The following HYDIN variants were observed in gnomAD, a reference collection of about 807,000 sequenced individuals.
HYDIN encodes axonemal central pair apparatus protein HYDIN.
In HYDIN, 132 loss-of-function variants were observed where a neutral mutation model predicts 403.9. The observed-to-expected ratio is 0.33, with a 90% CI of 0.28 to 0.38. The LOEUF is 0.38. Ranked by LOEUF, HYDIN falls within the 10% of genes least tolerant of loss-of-function variation. The probability of loss-of-function intolerance (pLI) is 1.00; values close to 1 mark genes in which losing one functional copy is unlikely to be tolerated. For synonymous variants in HYDIN, 1,202 were observed against 1,891.7 expected (o/e 0.64, Z 9.46); for missense variants, 2,827 against 5,009.5 (o/e 0.56, Z 13.15).
intron 18 of HYDIN, among the ~76,000 whole-genome samples, chr16:71,055,004 A>G (rs1330375027): frequency 6.6e-6 from 1 of 152,288 alleles, no homozygotes; most frequent in South Asian, 2.1e-4. Context: ...AAGTACATAC[A>G]GTCATTTTCT....
Position 70,804,980 on chromosome 16 carries a change from T to C in HYDIN, c.*2600A>G, listed in dbSNP as rs951083054. The stretch of plus-strand genomic sequence containing the variant: ...ATGTTAGACAAGATTTCAGACAGCT[T>C]CTTCCACCTTTTCTTTAGTCTTAGG... On this transcript the variant is annotated 3_prime_UTR_variant, in exon 86 of 86. Transcript: ENST00000393567. 4.6e-5 allele frequency among the ~76,000 whole-genome samples: 7 copies of C among 152,228 alleles called. No individual in the cohort carries two copies. Among genetic ancestry groups the C allele is most frequent in the Non-Finnish European group, 1.0e-4 (7 of 68,034 alleles).
intron 73 of HYDIN, among the ~76,000 whole-genome samples, chr16:70,851,203 CAAAAAAAA>C (rs4028101): frequency 3.2e-4 from 7 of 22,178 alleles, no homozygotes; most frequent in South Asian, 1.6e-3. Context: ...ATCAATCCTG[CAAAAAAAA>C]AAAAAAAAAA....
rs8044636 is a variant in HYDIN at position 71,213,248 on chromosome 16, G to A, written c.-24+17314C>T. Among the ~76,000 whole-genome samples, 1,262 of 152,170 alleles carry A rather than the reference G, an allele frequency of 8.3e-3. 20 individuals are homozygous for A. Among genetic ancestry groups the A allele is most frequent in the African/African-American group, 0.029 (1,189 of 41,540 alleles). Reference sequence around the variant, plus strand: ...AATCTAAGAGGCAAGAAGAAATGGCGGGGGAAACATGGTCAACAGTGAAGT... The same window carrying A: ...AATCTAAGAGGCAAGAAGAAATGGCAGGGGAAACATGGTCAACAGTGAAGT... On this transcript the variant is annotated intron_variant, in intron 1 of 85. Transcript: ENST00000393567.
chr16:71,208,298 A>C (rs1211726570), intron 1 of HYDIN, among the ~76,000 whole-genome samples: 1 of 152,220 alleles, frequency 6.6e-6, no homozygotes, highest in Non-Finnish European at 1.5e-5. Context: ...ATGAAAGTTA[A>C]ACAACCTGCT....
chr16:70,948,797 G>C (rs930794645), intron 41 of HYDIN, among the ~76,000 whole-genome samples: 1 of 150,998 alleles, frequency 6.6e-6, no homozygotes, highest in Non-Finnish European at 1.5e-5. Flanking sequence ...TCATTAAAAA[G>C]TCAGGAAACA....
At chr16:71,192,671 C>A (rs911630781) in intron 1 of HYDIN, among the ~76,000 whole-genome samples, 10 of 152,112 alleles carry the variant, frequency 6.6e-5, no homozygotes, top group African/African-American at 2.2e-4. Flanking sequence ...CCAAGGCTGC[C>A]CCTTCCTTAT....
intron 48 of HYDIN, 54 bp from the exon 49 acceptor site, chr16:70,908,488 G>C (rs1391168033): frequency 1.5e-6 from 2 of 1,292,960 alleles, no homozygotes; most frequent in African/African-American, 3.0e-5. Context: ...CTGGCCAAGA[G>C]AAGACAGGAG....
chr16:71,159,914 T>C (rs2144598104), intron 6 of HYDIN, among the ~76,000 whole-genome samples: 1 of 145,776 alleles, frequency 6.9e-6, no homozygotes, highest in African/African-American at 2.6e-5. Context: ...ACAAGAAATA[T>C]TAAAGGTAGT....
chr16:71,179,339 G>GAAA (rs11415972), intron 3 of HYDIN, among the ~76,000 whole-genome samples: 1 of 136,300 alleles, frequency 7.3e-6, no homozygotes, highest in Non-Finnish European at 1.6e-5. Flanking sequence ...TTTAAATCCT[G>GAAA]AAAAAAAAAA....
At chr16:71,038,565 G>A (rs1334242456) in intron 18 of HYDIN, among the ~76,000 whole-genome samples, 2 of 151,214 alleles carry the variant, frequency 1.3e-5, no homozygotes, top group East Asian at 3.9e-4. Context: ...AATGTGCAGA[G>A]TGAGGGATTT....
chr16:70,855,499 C>T (rs1344916147), intron 72 of HYDIN, among the ~76,000 whole-genome samples: 1 of 152,278 alleles, frequency 6.6e-6, no homozygotes, highest in Non-Finnish European at 1.5e-5. Context: ...GCTCCTCTGC[C>T]CTGGCCACAG....
chr16:70,845,782 G>A, intron 75 of HYDIN, among the ~76,000 whole-genome samples: 1 of 136,398 alleles, frequency 7.3e-6, no homozygotes, highest in Non-Finnish European at 1.5e-5. Flanking sequence ...GAGTGTATGT[G>A]TCGAGGAATT....
At chr16:71,097,523 T>C (rs5018197) in intron 10 of HYDIN, among the ~76,000 whole-genome samples, 1 of 148,482 alleles carries the variant, frequency 6.7e-6, no homozygotes, top group Non-Finnish European at 1.5e-5. Context: ...TTCACATTAC[T>C]CAGCTTATCA....
chr16:71,016,104 A>G (rs1382853456), intron 23 of HYDIN, among the ~76,000 whole-genome samples: 2 of 152,030 alleles, frequency 1.3e-5, no homozygotes, highest in Non-Finnish European at 2.9e-5. Flanking sequence ...TTCTGCAGCA[A>G]CAAAACCAAA....
chr16:71,108,670 T>C (rs909081688), intron 10 of HYDIN, among the ~76,000 whole-genome samples: 1 of 151,878 alleles, frequency 6.6e-6, no homozygotes, highest in Non-Finnish European at 1.5e-5. Context: ...TATTGAAACA[T>C]CACTATGTAC....
intron 84 of HYDIN, among the ~76,000 whole-genome samples, chr16:70,815,572 A>T (rs1409408867): frequency 6.6e-6 from 1 of 151,970 alleles, no homozygotes; most frequent in Non-Finnish European, 1.5e-5. Flanking sequence ...CGACAAAATG[A>T]TCTTCAAGGC....
intron 83 of HYDIN, among the ~76,000 whole-genome samples, chr16:70,824,420 G>C (rs2036451601): frequency 6.6e-6 from 1 of 150,828 alleles, no homozygotes; most frequent in Admixed American, 6.6e-5. Context: ...TCTATGTTCA[G>C]GTCATATGAA....
intron 80 of HYDIN, among the ~76,000 whole-genome samples, chr16:70,831,285 G>C (rs1313103297): frequency 6.6e-6 from 1 of 151,926 alleles, no homozygotes; most frequent in African/African-American, 2.4e-5. Flanking sequence ...CAAGTTGAGT[G>C]GATTGCCTGA....
Position 70,952,597 on chromosome 16 carries a change from C to A in HYDIN, c.6355G>T (p.Gly2119Ter). 1 of 1,613,790 alleles carries A rather than the reference C, an allele frequency of 6.2e-7. No individual in the cohort carries two copies. ...AAVGQNVIGQ[G>*]RLSTDTLGKL... Reference sequence around the variant, plus strand: ...CCCAAGGTGTCAGTGCTCAGTCGTCCTTGCCCTATGACGTTTTGACCCACA... The same window carrying A: ...CCCAAGGTGTCAGTGCTCAGTCGTCATTGCCCTATGACGTTTTGACCCACA... The change falls in exon 41 of 86, where the codon GGA (glycine) becomes TGA (stop). Residue 2119 changes from glycine to a stop codon, truncating the protein, a stop_gained. Transcript: ENST00000393567. LOFTEE classifies it high-confidence loss of function.
Sources: allele counts gnomAD v4.1 joint callset (sites outside exome capture counted in the v4.1 genomes callset), GRCh38; gene constraint gnomAD v4.1.1; transcripts MANE v1.5; gene names NCBI Gene and HGNC (gene_info 2026-07-23, HGNC 2026-07-21).